SH3PXD2A: variants seen among roughly 807,000 people sequenced by gnomAD.
The protein encoded by SH3PXD2A is SH3 and PX domain-containing protein 2A.
A neutral mutation model predicts 115.2 loss-of-function variants in SH3PXD2A; 32 were observed. The ratio of observed to expected loss-of-function variants is 0.28; its 90% CI spans 0.21 to 0.37. The LOEUF (loss-of-function observed/expected upper bound fraction) is 0.37, where lower values mean the gene tolerates loss of function less well. Ranked by LOEUF, SH3PXD2A falls within the 10% of genes least tolerant of loss-of-function variation. The pLI is 1.00. For synonymous variants in SH3PXD2A, 610 were observed against 629.1 expected (o/e 0.97, Z 0.45); for missense variants, 1,328 against 1,498.7 (o/e 0.89, Z 1.88).
intron 6 of SH3PXD2A, chr10:103,673,222 C>T (rs557178128): frequency 6.6e-6 from 1 of 152,244 alleles, no homozygotes; most frequent in African/African-American, 2.4e-5. Context: ...ACTTCTTCTT[C>T]CACTCTTTCT....
At chr10:103,800,668 A>T (rs1236531982) in intron 2 of SH3PXD2A, among the ~76,000 whole-genome samples, 2 of 152,154 alleles carry the variant, frequency 1.3e-5, no homozygotes, top group Non-Finnish European at 2.9e-5. Context: ...AAGAGGCCTG[A>T]CTAACTTAGC....
intron 8 of SH3PXD2A, among the ~76,000 whole-genome samples, chr10:103,644,886 T>A (rs1272931729): frequency 1.3e-5 from 2 of 152,254 alleles, no homozygotes; most frequent in African/African-American, 4.8e-5. Context: ...ACAGAGTGGC[T>A]ATTCAGTGGC....
intron 4 of SH3PXD2A, among the ~76,000 whole-genome samples, chr10:103,729,087 G>A (rs927253421): frequency 6.6e-6 from 1 of 152,042 alleles, no homozygotes; most frequent in Non-Finnish European, 1.5e-5. Flanking sequence ...GTAGAGACGG[G>A]GTTTCACCAA....
chr10:103,630,192 C>T (rs2133963285), intron 8 of SH3PXD2A, among the ~76,000 whole-genome samples: 1 of 152,340 alleles, frequency 6.6e-6, no homozygotes, highest in East Asian at 1.9e-4. Context: ...ATGGAGGCCC[C>T]AAAACAGCCA....
rs1231913273 is a variant in SH3PXD2A, at chr10:103,598,145, A to T, written c.*3671T>A. On this transcript the variant is annotated 3_prime_UTR_variant, in exon 15 of 15. Transcript: ENST00000369774. ...TATAATGCCTTCGTCAAGATGGAAAATCAAGGAGGAAGAAAGAGAAACCTT... is the reference window on the plus strand; with the variant it reads ...TATAATGCCTTCGTCAAGATGGAAATTCAAGGAGGAAGAAAGAGAAACCTT... The T allele has an allele frequency of 6.5e-6, 1 of 152,712 alleles. No homozygotes were observed. Among genetic ancestry groups the T allele is most frequent in the East Asian group, 1.9e-4 (1 of 5,204 alleles). 9.5% of individuals were successfully genotyped at this position (152,712 alleles called of 1,614,324 possible).
At chr10:103,706,810 C>T (rs559047551) in intron 5 of SH3PXD2A, among the ~76,000 whole-genome samples, 5 of 152,270 alleles carry the variant, frequency 3.3e-5, no homozygotes, top group East Asian at 3.9e-4. Flanking sequence ...CTTTCCCCCC[C>T]GAGTAGAGCT....
At chr10:103,611,330 G>A (rs922088071) in intron 13 of SH3PXD2A, among the ~76,000 whole-genome samples, 1 of 152,230 alleles carries the variant, frequency 6.6e-6, no homozygotes, top group Non-Finnish European at 1.5e-5. Context: ...CAATGCAGTG[G>A]CTGGGATGGA....
rs1015145135 is a variant in SH3PXD2A, at chr10:103,602,875, C to G, written c.2343G>C (p.Gln781His). ...EKMDISTLRR[Q>H]LRPTGQLRGG... ...CACGGAGCTGGCCTGTGGGTCTCAGCTGGCGCCGTAAAGTGCTGATGTCCA... is the reference window on the plus strand; with the variant it reads ...CACGGAGCTGGCCTGTGGGTCTCAGGTGGCGCCGTAAAGTGCTGATGTCCA... The change falls in exon 15 of 15, where the codon CAG (glutamine) becomes CAC (histidine). Residue 781 changes from glutamine to histidine, a missense_variant. By Grantham distance (24) the Gln-to-His change is conservative. Around this residue, in one of 5 missense-constraint regions of SH3PXD2A, gnomAD observed 574 missense variants for 565.7 expected, o/e 1.01. Transcript: ENST00000369774. The G allele has an allele frequency of 1.9e-5, 31 of 1,613,884 alleles. No homozygotes were observed. The highest frequency in any genetic ancestry group is 2.6e-5 in the Non-Finnish European group (31 of 1,179,898).
chr10:103,629,906 C>T (rs2036753591), intron 8 of SH3PXD2A, among the ~76,000 whole-genome samples: 1 of 152,256 alleles, frequency 6.6e-6, no homozygotes, highest in South Asian at 2.1e-4. Context: ...GCAATGGATG[C>T]AGGGAGCATT....
intron 2 of SH3PXD2A, among the ~76,000 whole-genome samples, chr10:103,774,337 G>A (rs144852427): frequency 2.0e-5 from 3 of 152,058 alleles, no homozygotes; most frequent in African/African-American, 4.8e-5. Flanking sequence ...CCATACTAGC[G>A]GTTAAGCTCA....
chr10:103,702,035 C>T (rs2037918967), intron 5 of SH3PXD2A, among the ~76,000 whole-genome samples: 1 of 144,820 alleles, frequency 6.9e-6, no homozygotes, highest in Non-Finnish European at 1.5e-5. Flanking sequence ...CATCCACCAT[C>T]CATCATCCAT....
intron 4 of SH3PXD2A, among the ~76,000 whole-genome samples, chr10:103,734,874 G>A (rs1322238871): frequency 6.6e-6 from 1 of 152,188 alleles, no homozygotes. Context: ...TGCTTCTTCT[G>A]AGCCAGACGC....
intron 1 of SH3PXD2A, among the ~76,000 whole-genome samples, chr10:103,819,107 A>G (rs1257111802): frequency 6.6e-6 from 1 of 152,216 alleles, no homozygotes; most frequent in Non-Finnish European, 1.5e-5. Flanking sequence ...AGTCCCGTCA[A>G]GAAGGATTGG....
At chr10:103,744,022 C>T (rs1013057799) in intron 3 of SH3PXD2A, among the ~76,000 whole-genome samples, 23 of 152,170 alleles carry the variant, frequency 1.5e-4, no homozygotes, top group African/African-American at 5.5e-4. Flanking sequence ...CTACTGGCTC[C>T]CCTGTCTTCC....
chr10:103,677,590 A>G (rs917641256), intron 6 of SH3PXD2A, among the ~76,000 whole-genome samples: 1 of 152,166 alleles, frequency 6.6e-6, no homozygotes, highest in African/African-American at 2.4e-5. Flanking sequence ...CTCCCTTATC[A>G]TGCCCTGGGC....
rs146787034 is a variant in SH3PXD2A, at chr10:103,638,302, C to T, written c.605-11100G>A. On this transcript the variant is annotated intron_variant, in intron 8 of 14. Coordinates refer to ENST00000369774, the MANE Select transcript of SH3PXD2A (RefSeq NM_001394015.1). ...TGCTACGTCACCATTTGGAAGGCTC[C>T]GTGGAGTCCGTGTCAAGACAGCCTG... 4.7e-3 allele frequency among the ~76,000 whole-genome samples: 718 copies of T among 152,300 alleles called. 7 individuals are homozygous for T. Among genetic ancestry groups the T allele is most frequent in the African/African-American group, 0.016 (674 of 41,566 alleles).
At chr10:103,762,587 G>A (rs1159565292) in intron 3 of SH3PXD2A, among the ~76,000 whole-genome samples, 1 of 152,130 alleles carries the variant, frequency 6.6e-6, no homozygotes, top group Non-Finnish European at 1.5e-5. Flanking sequence ...TGAAACGTCT[G>A]GGTTTTCTTT....
chr10:103,705,852 C>G (rs1366159696), intron 5 of SH3PXD2A, among the ~76,000 whole-genome samples: 2 of 152,100 alleles, frequency 1.3e-5, no homozygotes, highest in Non-Finnish European at 2.9e-5. Flanking sequence ...CAAAAATTAG[C>G]TGGGTGTGGT....
At chr10:103,783,783 G>T (rs1380042284) in intron 2 of SH3PXD2A, among the ~76,000 whole-genome samples, 2 of 152,232 alleles carry the variant, frequency 1.3e-5, no homozygotes, top group Non-Finnish European at 2.9e-5. Context: ...GGAGAACAAG[G>T]TGGAGCCCAG....
Sources: allele counts gnomAD v4.1 joint callset (sites outside exome capture counted in the v4.1 genomes callset), GRCh38; gene constraint gnomAD v4.1.1; regional missense constraint gnomAD v4.1.1; transcripts MANE v1.5; gene names NCBI Gene and HGNC (gene_info 2026-07-23, HGNC 2026-07-21).